RBFOX1: variants seen among roughly 807,000 people sequenced by gnomAD.
RBFOX1 encodes the protein RNA binding protein fox-1 homolog 1.
RBFOX1 carries 8 observed loss-of-function variants against 57.7 expected under a neutral mutation model. The ratio of observed to expected loss-of-function variants is 0.14; its 90% CI spans 0.08 to 0.25. The LOEUF (loss-of-function observed/expected upper bound fraction) is 0.25, where lower values mean the gene tolerates loss of function less well. Ranked by LOEUF, RBFOX1 falls within the 10% of genes least tolerant of loss-of-function variation. The pLI is 1.00. For missense variants in RBFOX1, 611 were observed against 548.5 expected (o/e 1.11, Z -1.14); for synonymous variants, 326 against 222.4 (o/e 1.47, Z -4.15).
At chr16:6,990,758 T>A (rs17141957) in intron 3 of RBFOX1, among the ~76,000 whole-genome samples, 5,871 of 152,246 alleles carry the variant, frequency 0.039, 397 homozygotes, top group African/African-American at 0.13. Flanking sequence ...TGATCTTCCA[T>A]GTCCATCTCA....
chr16:6,916,872 T>C (rs527890227), intron 3 of RBFOX1, among the ~76,000 whole-genome samples: 3 of 152,282 alleles, frequency 2.0e-5, no homozygotes, highest in East Asian at 1.9e-4. Flanking sequence ...GTGTATAAGA[T>C]GGAGTCTCTC....
intron 4 of RBFOX1, among the ~76,000 whole-genome samples, chr16:6,004,399 T>C (rs539185507): frequency 6.6e-6 from 1 of 152,282 alleles, no homozygotes; most frequent in South Asian, 2.1e-4. Context: ...ACATAGTTAA[T>C]ATTTGTAAAG....
intron 1 of RBFOX1, among the ~76,000 whole-genome samples, chr16:6,167,503 G>A (rs192219381): frequency 5.9e-5 from 9 of 152,064 alleles, no homozygotes; most frequent in Non-Finnish European, 1.2e-4. Flanking sequence ...TTTGTTTAAC[G>A]GTTTTATTAC....
At chr16:7,102,491 G>T (rs986748980) in intron 4 of RBFOX1, among the ~76,000 whole-genome samples, 2 of 152,162 alleles carry the variant, frequency 1.3e-5, no homozygotes, top group African/African-American at 4.8e-5. Context: ...ATTTAATAGA[G>T]ACCAAAGTAG....
At chr16:5,427,692 C>G (rs372982147) in intron 1 of RBFOX1, among the ~76,000 whole-genome samples, 2 of 152,270 alleles carry the variant, frequency 1.3e-5, no homozygotes, top group African/African-American at 4.8e-5. Flanking sequence ...GATTCAAGCT[C>G]AAAGGCCGTC....
intron 4 of RBFOX1, among the ~76,000 whole-genome samples, chr16:7,277,875 A>T (rs1269791431): frequency 6.6e-6 from 1 of 152,050 alleles, no homozygotes; most frequent in Admixed American, 6.5e-5. Flanking sequence ...TTCTAGAGAC[A>T]TTCTTATTAC....
intron 1 of RBFOX1, among the ~76,000 whole-genome samples, chr16:5,449,762 C>G (rs1272201659): frequency 6.6e-6 from 1 of 152,084 alleles, no homozygotes; most frequent in Non-Finnish European, 1.5e-5. Context: ...ATGTATGCCA[C>G]CATGCCTGGC....
At chr16:6,915,526 C>G (rs990403857) in intron 3 of RBFOX1, among the ~76,000 whole-genome samples, 2 of 149,292 alleles carry the variant, frequency 1.3e-5, no homozygotes, top group Non-Finnish European at 3.0e-5. Context: ...ACTATTTTTT[C>G]TAAGTCCTCA....
At chr16:7,550,918 A>T (rs572508014) in intron 5 of RBFOX1, among the ~76,000 whole-genome samples, 1 of 151,750 alleles carries the variant, frequency 6.6e-6, no homozygotes, top group South Asian at 2.1e-4. Context: ...ACATGGTGAA[A>T]CCCCAGTTCT....
chr16:5,767,972 T>C (rs1382757672), intron 3 of RBFOX1, among the ~76,000 whole-genome samples: 1 of 152,096 alleles, frequency 6.6e-6, no homozygotes, highest in Non-Finnish European at 1.5e-5. Flanking sequence ...ATTTTTCAGT[T>C]AAAAAATGTT....
chr16:7,299,646 G>C (rs916174582), intron 4 of RBFOX1, among the ~76,000 whole-genome samples: 3 of 152,166 alleles, frequency 2.0e-5, no homozygotes, highest in African/African-American at 7.2e-5. Flanking sequence ...CTTTTGCCTA[G>C]AGAAACTGTG....
At chr16:5,331,139 T>C (rs1375062641) in intron 1 of RBFOX1, among the ~76,000 whole-genome samples, 2 of 152,194 alleles carry the variant, frequency 1.3e-5, no homozygotes, top group African/African-American at 2.4e-5. Context: ...TTTGGTCCGC[T>C]GTATAACTTA....
At chr16:6,266,745 T>A (rs2074553802) in intron 1 of RBFOX1, among the ~76,000 whole-genome samples, 1 of 151,352 alleles carries the variant, frequency 6.6e-6, no homozygotes, top group African/African-American at 2.4e-5. Flanking sequence ...AGAAGAAGAA[T>A]CTATTTAATA....
intron 2 of RBFOX1, among the ~76,000 whole-genome samples, chr16:6,354,101 TC>T (rs2086868831): frequency 6.6e-6 from 1 of 151,972 alleles, no homozygotes; most frequent in South Asian, 2.1e-4. Context: ...GCGTCTGTAG[TC>T]CCAGCTACTG....
At chr16:7,697,696 C>T (rs895894981) in intron 14 of RBFOX1, among the ~76,000 whole-genome samples, 1 of 152,108 alleles carries the variant, frequency 6.6e-6, no homozygotes, top group African/African-American at 2.4e-5. Context: ...ATGCCAAAAC[C>T]CTTCCCCTGG....
chr16:7,192,571 G>T (rs2085681967), intron 4 of RBFOX1, among the ~76,000 whole-genome samples: 1 of 152,156 alleles, frequency 6.6e-6, no homozygotes, highest in Non-Finnish European at 1.5e-5. Context: ...AATACTATGT[G>T]AAATCATAGA....
chr16:6,683,664 A>G (rs2059006219), intron 3 of RBFOX1, among the ~76,000 whole-genome samples: 1 of 152,166 alleles, frequency 6.6e-6, no homozygotes, highest in African/African-American at 2.4e-5. Context: ...ACCAGGTTTA[A>G]GGCGAAAGCA....
chr16:5,989,223 C>T (rs1018780307), intron 4 of RBFOX1, among the ~76,000 whole-genome samples: 10 of 151,076 alleles, frequency 6.6e-5, no homozygotes, highest in East Asian at 3.9e-4. Flanking sequence ...CCCAGCTGCT[C>T]GGGAGGCTGA....
chr16:6,344,541 G>C lies in RBFOX1; in HGVS notation c.-64+27484G>C, dbSNP rs147161751. Among the ~76,000 whole-genome samples, 244 of 150,656 alleles carry C rather than the reference G, an allele frequency of 1.6e-3. 4 individuals carry two copies. The highest frequency in any genetic ancestry group is 5.7e-3 in the African/African-American group (232 of 40,892). On this transcript the variant is annotated intron_variant, in intron 2 of 15. Coordinates refer to ENST00000550418, the MANE Select transcript of RBFOX1 (RefSeq NM_018723.4). ...GCCTCCTGAGTAGCTGGGACTATAG[G>C]TACCCACCACTGCGCCCGGCTAATT...
Sources: gnomAD v4.1 joint callset for allele counts (sites outside exome capture counted in the v4.1 genomes callset) on GRCh38, gnomAD v4.1.1 for gene constraint, MANE v1.5 for transcripts, NCBI Gene and HGNC (gene_info 2026-07-23, HGNC 2026-07-21) for gene names.